PPP1R12B: variants seen among roughly 807,000 people sequenced by gnomAD.
The protein encoded by PPP1R12B is protein phosphatase 1 regulatory subunit 12B.
PPP1R12B carries 76 observed loss-of-function variants against 126.1 expected under a neutral mutation model. The ratio of observed to expected loss-of-function variants is 0.60; its 90% CI spans 0.50 to 0.73. PPP1R12B has a LOEUF of 0.73. Among genes scored for constraint, PPP1R12B ranks in the 30% least tolerant of loss-of-function variants. PPP1R12B has a pLI of 0.00. For synonymous variants in PPP1R12B, 356 were observed against 434.7 expected, an observed-to-expected ratio of 0.82 and a Z score of 2.25; for missense variants, 1,052 against 1,205.1, an observed-to-expected ratio of 0.87 and a Z score of 1.88.
chr1:202,414,077 A>G (rs1667754329), intron 1 of PPP1R12B, among the ~76,000 whole-genome samples: 1 of 152,110 alleles, frequency 6.6e-6, no homozygotes, highest in African/African-American at 2.4e-5. Flanking sequence ...GTGCACCACC[A>G]TACCTGCCTA....
chr1:202,384,883 A>C (rs939138095), intron 1 of PPP1R12B, among the ~76,000 whole-genome samples: 4 of 152,242 alleles, frequency 2.6e-5, no homozygotes, highest in African/African-American at 9.6e-5. Context: ...GTGACTGGCT[A>C]TGCCAGTGTA....
chr1:202,517,503 C>G (rs1246792362), intron 18 of PPP1R12B, among the ~76,000 whole-genome samples: 1 of 151,986 alleles, frequency 6.6e-6, no homozygotes. Flanking sequence ...ACTGACCTTT[C>G]AGGAATAAAT....
chr1:202,392,657 GACT>G (rs1457955384), intron 1 of PPP1R12B, among the ~76,000 whole-genome samples: 2 of 151,838 alleles, frequency 1.3e-5, no homozygotes, highest in East Asian at 3.9e-4. Context: ...AAGTAGCTGG[GACT>G]ACAGGCCCAC....
In PPP1R12B at chr1:202,402,444, A is replaced by G. The variant is rs750177339; in HGVS notation, c.292-14343A>G. 2.6e-5 allele frequency among the ~76,000 whole-genome samples: 4 copies of G among 152,214 alleles called. No individual in the cohort carries two copies. In the East Asian group the frequency reaches 5.8e-4, roughly 22 times the overall value. On this transcript the variant is annotated intron_variant, in intron 1 of 23. Transcript: ENST00000608999. ...CAGTCTGAAGTTTGGACTACAGGCT[A>G]TGTTTTGTTGTATCATTATGCTTGA...
At chr1:202,386,180 G>A (rs1320658612) in intron 1 of PPP1R12B, among the ~76,000 whole-genome samples, 3 of 151,784 alleles carry the variant, frequency 2.0e-5, no homozygotes, top group East Asian at 1.9e-4. Context: ...TGATCCACCC[G>A]ACCTCCCAAA....
chr1:202,518,243 C>T (rs1682374935), intron 18 of PPP1R12B, among the ~76,000 whole-genome samples: 1 of 152,112 alleles, frequency 6.6e-6, no homozygotes, highest in South Asian at 2.1e-4. Flanking sequence ...ACTTGAGTAC[C>T]TACTATATGG....
chr1:202,563,039 G>GTAA, intron 20 of PPP1R12B, 117 bp downstream of exon 20: 1 of 1,185,816 alleles, frequency 8.4e-7, no homozygotes, highest in South Asian at 2.0e-5. Flanking sequence ...AGGCACTTAA[G>GTAA]TAATAATAAT....
At chr1:202,422,827 C>G (rs1338516764) in intron 3 of PPP1R12B, 89 bp downstream of exon 3, 3 of 1,569,814 alleles carry the variant, frequency 1.9e-6, no homozygotes, top group African/African-American at 2.7e-5. Flanking sequence ...GAGCATTTCA[C>G]TATCACATGA....
chr1:202,433,649 A>G (rs1308683711), intron 8 of PPP1R12B, among the ~76,000 whole-genome samples: 1 of 152,182 alleles, frequency 6.6e-6, no homozygotes, highest in Non-Finnish European at 1.5e-5. Flanking sequence ...TGTACCATTT[A>G]AGCCGAAATT....
chr1:202,396,062 T>G (rs1664938023), intron 1 of PPP1R12B, among the ~76,000 whole-genome samples: 1 of 152,202 alleles, frequency 6.6e-6, no homozygotes, highest in Admixed American at 6.5e-5. Flanking sequence ...CCTCCCTTTT[T>G]CTGAACAGTC....
Position 202,380,570 on chromosome 1 carries a change from G to C in PPP1R12B, c.291+31428G>C, listed in dbSNP as rs544132325. On this transcript the variant is annotated intron_variant, in intron 1 of 23. Coordinates refer to ENST00000608999, the MANE Select transcript of PPP1R12B (RefSeq NM_002481.4). ...TGTATACCCACCTCTTCCCCTGAGAGTAGAGCCCTGAAGCTTTATATTCTC... is the reference window on the plus strand; with the variant it reads ...TGTATACCCACCTCTTCCCCTGAGACTAGAGCCCTGAAGCTTTATATTCTC... Among the ~76,000 whole-genome samples the C allele has an allele frequency of 2.6e-5, 4 of 152,252 alleles. No homozygotes were observed. In the South Asian group the frequency reaches 8.3e-4, roughly 32 times the overall value.
chr1:202,409,445 C>A (rs1174128632), intron 1 of PPP1R12B, among the ~76,000 whole-genome samples: 2 of 151,856 alleles, frequency 1.3e-5, no homozygotes, highest in East Asian at 3.9e-4. Context: ...CCTCAGCCTC[C>A]CAAGTAGCTG....
At chr1:202,361,351 G>A (rs958027918) in intron 1 of PPP1R12B, among the ~76,000 whole-genome samples, 1 of 152,344 alleles carries the variant, frequency 6.6e-6, no homozygotes, top group South Asian at 2.1e-4. Flanking sequence ...CATGGTGAGG[G>A]CCTCGGGAAG....
intron 1 of PPP1R12B, among the ~76,000 whole-genome samples, chr1:202,353,558 C>T (rs993301184): frequency 6.1e-5 from 9 of 147,912 alleles, no homozygotes; most frequent in Non-Finnish European, 4.5e-5. Context: ...TCATTTGTTC[C>T]GCAGAATTTC....
At chr1:202,373,732 G>A (rs1398259602) in intron 1 of PPP1R12B, among the ~76,000 whole-genome samples, 1 of 151,234 alleles carries the variant, frequency 6.6e-6, no homozygotes, top group African/African-American at 2.4e-5. Flanking sequence ...GTTTCCAGTA[G>A]CTTCTTTGAT....
intron 4 of PPP1R12B, 27 bp from the exon 5 acceptor site, chr1:202,427,013 A>G (rs1669615257): frequency 6.2e-7 from 1 of 1,604,590 alleles, no homozygotes. Context: ...CAGAAGATAT[A>G]TGTCTTGTTT....
intron 23 of PPP1R12B, among the ~76,000 whole-genome samples, chr1:202,574,584 G>T (rs1363219899): frequency 6.6e-6 from 1 of 152,208 alleles, no homozygotes; most frequent in Non-Finnish European, 1.5e-5. Flanking sequence ...GCAGCAGCTA[G>T]ATTTAAGAAC....
At position 202,422,796 on chromosome 1, in the gene PPP1R12B, AAAT is replaced by A. The variant is rs1292201175; in HGVS notation, c.541+62_541+64del. On this transcript the variant is annotated intron_variant, in intron 3 of 23. Coordinates refer to ENST00000608999, the MANE Select transcript of PPP1R12B (RefSeq NM_002481.4). ...ATTCTCAAACACTGCCATTTACAGA[AAAT>A]AATCCATTTGCTGTGCAGAGCATTT... 2.5e-6 allele frequency: 4 copies of A among 1,608,658 alleles called. No individual in the cohort carries two copies. In the African/African-American group the frequency reaches 5.4e-5, roughly 22 times the overall value.
chr1:202,562,571 G>A (rs529138801), intron 19 of PPP1R12B: 1 of 734,944 alleles, frequency 1.4e-6, no homozygotes, highest in Admixed American at 1.8e-5. Flanking sequence ...GCAAATGATG[G>A]TCAGCCTCCC....
Sources: allele counts gnomAD v4.1 joint callset (sites outside exome capture counted in the v4.1 genomes callset), GRCh38; gene constraint gnomAD v4.1.1; transcripts MANE v1.5; gene names NCBI Gene and HGNC (gene_info 2026-07-23, HGNC 2026-07-21).